Variants in ZNF223 observed in about 807,000 individuals in gnomAD.
ZNF223 encodes zinc finger protein 223.
ZNF223 carries 9 observed loss-of-function variants against 12.3 expected under a neutral mutation model. The ratio of observed to expected loss-of-function variants is 0.73; its 90% confidence interval spans 0.44 to 1.28. The LOEUF is 1.28. Among genes scored for constraint, ZNF223 ranks in the 50% most tolerant of loss-of-function variants. The pLI is 0.00. For synonymous variants in ZNF223, 171 were observed against 195.2 expected, an observed-to-expected ratio of 0.88 and a Z score of 1.03; for missense variants, 506 against 579.0, an observed-to-expected ratio of 0.87 and a Z score of 1.29.
Position 44,066,838 on chromosome 19 carries a change from T to C in ZNF223, c.1010T>C (p.Ile337Thr), listed in dbSNP as rs770603836. 3.1e-6 allele frequency: 5 copies of C among 1,614,094 alleles called. No homozygotes were observed. The change falls in exon 5 of 5, where the codon ATC (isoleucine) becomes ACC (threonine). Residue 337 changes from isoleucine to threonine, a missense_variant. Transcript: ENST00000434772. The part of the protein sequence containing the change: ...RRLDLCKHQT[I>T]HTGEKPYNCK... ...CTGGATTTGTGTAAGCATCAGACGA[T>C]CCACACAGGAGAGAAACCATATAAT...
In ZNF223 at chr19:44,066,407, T is replaced by G; in HGVS notation, c.579T>G (p.Ile193Met). 1 of 1,612,800 alleles carries G rather than the reference T, an allele frequency of 6.2e-7. No homozygotes were observed. The highest frequency in any genetic ancestry group is 8.5e-7 in the Non-Finnish European group (1 of 1,178,918). Reference protein sequence around the residue: ...KSFCYISALHIHQRVHLGEKL... With the variant: ...KSFCYISALHMHQRVHLGEKL... ...TCTGTTACATCTCAGCGCTTCATATTCATCAGAGAGTCCACCTGGGAGAGA... is the reference window on the plus strand; with the variant it reads ...TCTGTTACATCTCAGCGCTTCATATGCATCAGAGAGTCCACCTGGGAGAGA... The change falls in exon 5 of 5, where the codon ATT becomes ATG. Residue 193 changes from isoleucine (I) to methionine (M), a missense_variant. Ile to Met is a conservative substitution (Grantham distance 10). Coordinates refer to ENST00000434772, the MANE Select transcript of ZNF223 (RefSeq NM_013361.6).
At chr19:44,057,561 T>C (rs1369322048) in intron 2 of ZNF223, among the ~76,000 whole-genome samples, 1 of 152,204 alleles carries the variant, frequency 6.6e-6, no homozygotes, top group Admixed American at 6.5e-5. Context: ...CTTTTCAAAA[T>C]ACCGTATATT....
At chr19:44,065,368 G>C (rs1393299421) in intron 4 of ZNF223, among the ~76,000 whole-genome samples, 1 of 152,058 alleles carries the variant, frequency 6.6e-6, no homozygotes, top group African/African-American at 2.4e-5. Context: ...TATTTATTAT[G>C]TTACTGCTTT....
chr19:44,060,786 A>G lies in ZNF223; in HGVS notation c.180A>G (p.Leu60=). ...QPFHRDTFHF[L]REEKFWMMDI... is the part of the protein sequence containing the mutation. ...TCCACCGAGATACTTTCCACTTTCT[A>G]AGGGAGGAAAAGTTTTGGATGATGG... Residue 60 remains leucine (L), a synonymous_variant, in exon 4 of 5, where the codon CTA becomes CTG. Coordinates refer to ENST00000434772, the MANE Select transcript of ZNF223 (RefSeq NM_013361.6). The G allele has an allele frequency of 6.2e-7, 1 of 1,613,792 alleles. No individual in the cohort carries two copies. The highest frequency in any genetic ancestry group is 8.5e-7 in the Non-Finnish European group (1 of 1,179,960).
chr19:44,065,413 G>A (rs964188713), intron 4 of ZNF223, among the ~76,000 whole-genome samples: 7 of 152,052 alleles, frequency 4.6e-5, no homozygotes, highest in East Asian at 1.9e-4. Context: ...ATTTCATTAC[G>A]TACATAATAG....
In ZNF223 at chr19:44,066,599, G is replaced by A. The variant is rs772089797; in HGVS notation, c.771G>A (p.Glu257=). ...LTVHCKLHMG[E]KHYNCEACGR... ...TTCATTGCAAATTACACATGGGAGA[G>A]AAACATTATAATTGTGAGGCATGTG... is the stretch of plus-strand genomic sequence containing the variant. Residue 257 remains glutamate, a synonymous_variant, in exon 5 of 5, where the codon GAG becomes GAA. Transcript: ENST00000434772. 27 of 1,614,002 alleles carry A rather than the reference G, an allele frequency of 1.7e-5. No homozygotes were observed. The East Asian group carries it at 5.6e-4, about 33-fold the overall frequency.
chr19:44,067,632 G>A lies in ZNF223; in HGVS notation c.*355G>A, dbSNP rs1409586763. ...TTCCCCATGTGATTGAGGACAGTTT[G>A]AAGTTAGTGTTTCAGCCATAGCTCA... On this transcript the variant is annotated 3_prime_UTR_variant, in exon 5 of 5. Transcript: ENST00000434772. 1 of 406,840 alleles carries A rather than the reference G, an allele frequency of 2.5e-6. No individual in the cohort carries two copies. Among genetic ancestry groups the A allele is most frequent in the Non-Finnish European group, 4.8e-6 (1 of 209,846 alleles). 25.2% of individuals were successfully genotyped at this position (406,840 alleles called of 1,614,324 possible).
chr19:44,056,078 T>A (rs867239253), intron 2 of ZNF223, among the ~76,000 whole-genome samples: 7 of 152,082 alleles, frequency 4.6e-5, no homozygotes, highest in Admixed American at 3.9e-4. Context: ...GCGCTGCTTC[T>A]CCCTGTCCTG....
intron 4 of ZNF223, 24 bp downstream of exon 4, chr19:44,060,865 C>T (rs753684940): frequency 1.3e-6 from 2 of 1,596,496 alleles, no homozygotes; most frequent in African/African-American, 2.7e-5. Context: ...AACTGTGTGT[C>T]CTTGTTTGTG....
intron 4 of ZNF223, among the ~76,000 whole-genome samples, chr19:44,061,446 T>C (rs1350238292): frequency 3.9e-5 from 6 of 152,222 alleles, no homozygotes; most frequent in Non-Finnish European, 8.8e-5. Flanking sequence ...CTAGACACTG[T>C]CCACACTCCG....
intron 4 of ZNF223, among the ~76,000 whole-genome samples, chr19:44,062,263 T>G (rs867155584): frequency 4.6e-5 from 7 of 152,240 alleles, no homozygotes; most frequent in African/African-American, 1.7e-4. Context: ...TTCAAGTTCC[T>G]GATATATGTG....
At chr19:44,060,994 C>T (rs1976831161) in intron 4 of ZNF223, 153 bp downstream of exon 4, 2 of 680,018 alleles carry the variant, frequency 2.9e-6, no homozygotes, top group Admixed American at 5.6e-5. Flanking sequence ...CCGTGCCTTC[C>T]CACTCTGACA....
intron 1 of ZNF223, among the ~76,000 whole-genome samples, chr19:44,053,956 A>T (rs563808801): frequency 1.3e-5 from 2 of 152,338 alleles, no homozygotes; most frequent in South Asian, 4.1e-4. Context: ...TTCTGCGAGC[A>T]CAGGGTTGGG....
chr19:44,055,584 A>G (rs1976753886), intron 2 of ZNF223, among the ~76,000 whole-genome samples: 1 of 151,844 alleles, frequency 6.6e-6, no homozygotes. Flanking sequence ...AGTCTGACCA[A>G]CATGGAGAAA....
intron 1 of ZNF223, among the ~76,000 whole-genome samples, chr19:44,052,517 C>T (rs963297635): frequency 6.6e-6 from 1 of 152,178 alleles, no homozygotes. Context: ...GTCCCTGTCA[C>T]TTGGTGAGTG....
chr19:44,064,044 A>G (rs1048421294), intron 4 of ZNF223, among the ~76,000 whole-genome samples: 1 of 152,208 alleles, frequency 6.6e-6, no homozygotes, highest in Non-Finnish European at 1.5e-5. Context: ...TTTTGTGAGC[A>G]TGAACCATAA....
At chr19:44,061,390 T>C (rs1020163834) in intron 4 of ZNF223, among the ~76,000 whole-genome samples, 3 of 152,228 alleles carry the variant, frequency 2.0e-5, no homozygotes, top group African/African-American at 7.2e-5. Context: ...CTTTGTTCCT[T>C]TCTGGATGTT....
intron 3 of ZNF223, 40 bp downstream of exon 3, chr19:44,060,621 AG>A (rs773198821): frequency 6.2e-6 from 10 of 1,613,626 alleles, no homozygotes; most frequent in Non-Finnish European, 8.5e-6. Flanking sequence ...GTCAGGCCCC[AG>A]GAGTGGTTTT....
intron 2 of ZNF223, among the ~76,000 whole-genome samples, chr19:44,056,908 G>C (rs1976777423): frequency 6.6e-6 from 1 of 152,068 alleles, no homozygotes; most frequent in Middle Eastern, 3.4e-3. Context: ...CTCACACATT[G>C]TTACCAGAAA....
Sources: gnomAD v4.1 joint callset for allele counts (sites outside exome capture counted in the v4.1 genomes callset) on GRCh38, gnomAD v4.1.1 for gene constraint, MANE v1.5 for transcripts, NCBI Gene and HGNC (gene_info 2026-07-23, HGNC 2026-07-21) for gene names.